The following CFDP1 variants were observed in gnomAD, a reference collection of about 807,000 sequenced individuals.
The protein encoded by CFDP1 is heterochromatin-stabilizing protein CFDP1.
A neutral mutation model predicts 40.1 loss-of-function variants in CFDP1; 31 were observed. That is an observed-to-expected ratio of 0.77 (90% CI 0.58 to 1.04). CFDP1 has a LOEUF of 1.04. Among genes scored for constraint, CFDP1 ranks in the 50% least tolerant of loss-of-function variants. CFDP1 has a pLI of 0.00. For missense variants in CFDP1, 423 were observed against 343.4 expected, an observed-to-expected ratio of 1.23 and a Z score of -1.83; for synonymous variants, 167 against 120.0, an observed-to-expected ratio of 1.39 and a Z score of -2.56.
intron 5 of CFDP1, among the ~76,000 whole-genome samples, chr16:75,374,562 G>T (rs1053277418): frequency 1.3e-5 from 2 of 151,142 alleles, no homozygotes; most frequent in Non-Finnish European, 3.0e-5. Flanking sequence ...CACACCTGTA[G>T]TCCCAGCACT....
intron 6 of CFDP1, among the ~76,000 whole-genome samples, chr16:75,299,552 G>A (rs533143238): frequency 3.2e-4 from 48 of 151,256 alleles, no homozygotes; most frequent in African/African-American, 1.0e-3. Context: ...CTGAGATCGC[G>A]CCACTGCACT....
At chr16:75,394,933 T>C (rs1192837912) in intron 5 of CFDP1, 157 bp downstream of exon 5, 11 of 943,122 alleles carry the variant, frequency 1.2e-5, no homozygotes, top group Non-Finnish European at 1.7e-5. Flanking sequence ...AATTTTCCTT[T>C]GCATCTTCCA....
chr16:75,381,956 C>T (rs1265050274), intron 5 of CFDP1, among the ~76,000 whole-genome samples: 1 of 151,872 alleles, frequency 6.6e-6, no homozygotes, highest in Non-Finnish European at 1.5e-5. Flanking sequence ...CAGTCGAAAG[C>T]TCAGAGACAA....
chr16:75,399,858 T>G (rs1021616768), intron 4 of CFDP1, among the ~76,000 whole-genome samples: 8 of 151,926 alleles, frequency 5.3e-5, no homozygotes, highest in African/African-American at 1.9e-4. Context: ...CCCCAGCATT[T>G]TGGGAGGCCA....
intron 4 of CFDP1, among the ~76,000 whole-genome samples, chr16:75,400,743 A>T (rs188720570): frequency 6.6e-6 from 1 of 152,362 alleles, no homozygotes; most frequent in Non-Finnish European, 1.5e-5. Context: ...TGTTCTGTAC[A>T]ACTGAGTTAC....
At chr16:75,430,328 C>T (rs1258604274) in intron 1 of CFDP1, among the ~76,000 whole-genome samples, 1 of 152,094 alleles carries the variant, frequency 6.6e-6, no homozygotes, top group African/African-American at 2.4e-5. Context: ...CGCCACCACA[C>T]CCAGCTATTT....
Position 75,432,024 on chromosome 16 carries a change from G to A in CFDP1, c.64+1265C>T, listed in dbSNP as rs1410235500. Among the ~76,000 whole-genome samples the A allele has an allele frequency of 4.0e-5, 6 of 149,994 alleles. No homozygotes were observed. In the Admixed American group the frequency reaches 4.0e-4, roughly 10 times the overall value. On this transcript the variant is annotated intron_variant, in intron 1 of 6. Coordinates refer to ENST00000283882, the MANE Select transcript of CFDP1 (RefSeq NM_006324.3). ...CCTCCCGAGTTCAAGCGATTCTCCT[G>A]CTCCAGCCTCCTGAGGAGCTGGGAC...
In CFDP1 at chr16:75,306,798, T is replaced by C. The variant is rs151183849; in HGVS notation, c.651-1616A>G. ...TGCTTAAGAGAACTCCAAATAGCTCTTTATGAGCTTTCAATTCATATCTTC... is the reference window on the plus strand; with the variant it reads ...TGCTTAAGAGAACTCCAAATAGCTCCTTATGAGCTTTCAATTCATATCTTC... On this transcript the variant is annotated intron_variant, in intron 5 of 6. Transcript: ENST00000283882. Among the ~76,000 whole-genome samples, 1,038 of 152,230 alleles carry C rather than the reference T, an allele frequency of 6.8e-3. 8 individuals are homozygous for C. The highest frequency in any genetic ancestry group is 0.037 in the South Asian group (176 of 4,820).
intron 1 of CFDP1, among the ~76,000 whole-genome samples, chr16:75,417,160 C>A (rs1314556142): frequency 6.6e-6 from 1 of 152,040 alleles, no homozygotes; most frequent in African/African-American, 2.4e-5. Flanking sequence ...GACAGTGAGA[C>A]CCTGTCTCAA....
chr16:75,385,545 A>AG, intron 5 of CFDP1, among the ~76,000 whole-genome samples: 1 of 109,298 alleles, frequency 9.1e-6, no homozygotes, highest in South Asian at 3.1e-4. Flanking sequence ...AGTTGAAAAA[A>AG]AAAATTCTAA....
intron 5 of CFDP1, among the ~76,000 whole-genome samples, chr16:75,334,770 C>T (rs1408746910): frequency 3.3e-5 from 5 of 152,058 alleles, no homozygotes; most frequent in Non-Finnish European, 5.9e-5. Flanking sequence ...ACCTGGCCAA[C>T]ATGGCAAAAC....
chr16:75,319,324 G>A (rs143482553), intron 5 of CFDP1, among the ~76,000 whole-genome samples: 1,835 of 152,202 alleles, frequency 0.012, 25 homozygotes, highest in Middle Eastern at 0.031. Context: ...TTACAGGTGT[G>A]AGCCACCACG....
chr16:75,362,421 T>C (rs1186357817), intron 5 of CFDP1, among the ~76,000 whole-genome samples: 2 of 152,230 alleles, frequency 1.3e-5, no homozygotes, highest in African/African-American at 4.8e-5. Context: ...AGGCAAGGCA[T>C]CCCTATGTTC....
At chr16:75,413,485 G>A (rs931261075) in intron 2 of CFDP1, among the ~76,000 whole-genome samples, 1 of 151,272 alleles carries the variant, frequency 6.6e-6, no homozygotes. Context: ...CCCAGGAGGC[G>A]GAGGTTGCAT....
At chr16:75,372,210 T>C (rs972093975) in intron 5 of CFDP1, 2 of 152,194 alleles carry the variant, frequency 1.3e-5, no homozygotes, top group African/African-American at 4.8e-5. Context: ...GTAATAGCTA[T>C]AAGAAGGGTT....
chr16:75,424,939 A>G (rs1311178712), intron 1 of CFDP1, among the ~76,000 whole-genome samples: 4 of 152,318 alleles, frequency 2.6e-5, no homozygotes. Flanking sequence ...CTGTGTGGAA[A>G]ATCCCACAGA....
At chr16:75,401,934 A>G (rs186524869) in intron 4 of CFDP1, among the ~76,000 whole-genome samples, 78 of 152,352 alleles carry the variant, frequency 5.1e-4, no homozygotes, top group Admixed American at 4.7e-3. Flanking sequence ...TCATTGTAAT[A>G]CATGATATAT....
intron 5 of CFDP1, among the ~76,000 whole-genome samples, chr16:75,346,183 T>C (rs1257993323): frequency 6.6e-6 from 1 of 152,168 alleles, no homozygotes; most frequent in African/African-American, 2.4e-5. Flanking sequence ...TGAGATTGTG[T>C]CCTGGATTCT....
At chr16:75,393,456 A>G (rs1447219912) in intron 5 of CFDP1, among the ~76,000 whole-genome samples, 1 of 152,074 alleles carries the variant, frequency 6.6e-6, no homozygotes, top group Non-Finnish European at 1.5e-5. Flanking sequence ...AAAAAAGCTC[A>G]CACTTTTTTA....
Sources: allele counts gnomAD v4.1 joint callset (sites outside exome capture counted in the v4.1 genomes callset), GRCh38; gene constraint gnomAD v4.1.1; transcripts MANE v1.5; gene names NCBI Gene and HGNC (gene_info 2026-07-23, HGNC 2026-07-21).